The following CDH23 variants were observed in gnomAD, a reference collection of about 807,000 sequenced individuals.
The protein encoded by CDH23 is cadherin-23.
A neutral mutation model predicts 317.1 loss-of-function variants in CDH23; 189 were observed. The ratio of observed to expected loss-of-function variants is 0.60; its 90% CI spans 0.53 to 0.67. The LOEUF (loss-of-function observed/expected upper bound fraction) is 0.67. Ranked by LOEUF, CDH23 falls within the 30% of genes least tolerant of loss-of-function variation. The pLI is 0.00. For synonymous variants in CDH23, 1,839 were observed against 1,876.8 expected, an observed-to-expected ratio of 0.98 and a Z score of 0.52; for missense variants, 4,401 against 4,592.4, an observed-to-expected ratio of 0.96 and a Z score of 1.20.
intron 6 of CDH23, among the ~76,000 whole-genome samples, chr10:71,565,623 GC>G (rs1363016946): frequency 6.6e-6 from 1 of 152,146 alleles, no homozygotes; most frequent in Non-Finnish European, 1.5e-5. Flanking sequence ...CCTTGAAGGT[GC>G]CCTTGTCTGT....
intron 1 of CDH23, among the ~76,000 whole-genome samples, chr10:71,408,258 C>T (rs1848200740): frequency 6.6e-6 from 1 of 152,136 alleles, no homozygotes; most frequent in African/African-American, 2.4e-5. Flanking sequence ...ATGCAGGGCA[C>T]ACTGAGATAC....
At chr10:71,432,510 G>A (rs1379137731) in intron 1 of CDH23, among the ~76,000 whole-genome samples, 1 of 151,730 alleles carries the variant, frequency 6.6e-6, no homozygotes, top group African/African-American at 2.4e-5. Flanking sequence ...GTGTGTGGGT[G>A]AGTGTGAGTG....
chr10:71,545,211 C>A (rs1379842449), intron 6 of CDH23, among the ~76,000 whole-genome samples: 1 of 152,160 alleles, frequency 6.6e-6, no homozygotes, highest in East Asian at 1.9e-4. Flanking sequence ...AAGAAGACTG[C>A]AGAGAGGAGA....
chr10:71,704,936 G>A lies in CDH23; in HGVS notation c.2759G>A (p.Gly920Asp). Residue 920 changes from glycine (G) to aspartate (D), a missense_variant, in exon 25 of 70, where the codon GGC (glycine) becomes GAC (aspartate). Around this residue, in one of 3 missense-constraint regions of CDH23, gnomAD observed 3,068 missense variants for 3,203.3 expected, o/e 0.96. Transcript: ENST00000224721. ...YQVVAIDLDE[G>D]LNGLVSYRMP... ...GTGGTGGCCATCGACCTCGATGAGGGCCTGAACGGCCTGGTGTCCTACCGC... is the reference window on the plus strand; with the variant it reads ...GTGGTGGCCATCGACCTCGATGAGGACCTGAACGGCCTGGTGTCCTACCGC... 2 of 1,612,910 alleles carry A rather than the reference G, an allele frequency of 1.2e-6. No homozygotes were observed. Among genetic ancestry groups the A allele is most frequent in the East Asian group, 2.2e-5 (1 of 44,858 alleles).
intron 1 of CDH23, among the ~76,000 whole-genome samples, chr10:71,428,380 C>T (rs555230187): frequency 2.6e-5 from 4 of 151,928 alleles, no homozygotes; most frequent in Admixed American, 1.3e-4. Flanking sequence ...TCAAGTGATC[C>T]GCCCACCTCA....
In CDH23 at chr10:71,617,427, A is replaced by T. The variant is rs1340393394; in HGVS notation, c.1134+34A>T. 4 of 1,605,344 alleles carry T rather than the reference A, an allele frequency of 2.5e-6. No individual in the cohort carries two copies. In the African/African-American group the frequency reaches 5.4e-5, roughly 21 times the overall value. On this transcript the variant is annotated intron_variant, in intron 11 of 69. Transcript: ENST00000224721. ...CTGGACACATGGCCCATGCAGACCC[A>T]CCACCCATCCAGACCCACCACCCTG...
chr10:71,667,144 A>G (rs1279951785), intron 14 of CDH23, among the ~76,000 whole-genome samples: 2 of 152,216 alleles, frequency 1.3e-5, no homozygotes, highest in African/African-American at 4.8e-5. Flanking sequence ...GCCTTGCTTC[A>G]GAGCAGAAGC....
chr10:71,574,920 T>A (rs1025774915), intron 8 of CDH23, among the ~76,000 whole-genome samples: 4 of 151,488 alleles, frequency 2.6e-5, no homozygotes, highest in Non-Finnish European at 5.9e-5. Flanking sequence ...CACACTGCCC[T>A]CCATTCCCCA....
At chr10:71,702,486 G>A in intron 23 of CDH23, 63 bp from the exon 24 acceptor site, 1 of 1,597,736 alleles carries the variant, frequency 6.3e-7, no homozygotes, top group Non-Finnish European at 8.6e-7. Context: ...CCTTCTTCCT[G>A]TCCGTTTTCT....
At chr10:71,441,705 G>C (rs1849888980) in intron 2 of CDH23, among the ~76,000 whole-genome samples, 1 of 150,562 alleles carries the variant, frequency 6.6e-6, no homozygotes, top group South Asian at 2.1e-4. Flanking sequence ...CTGGGTGAAA[G>C]AGTGAGACTC....
At chr10:71,462,364 C>T (rs1271940240) in intron 3 of CDH23, among the ~76,000 whole-genome samples, 3 of 152,234 alleles carry the variant, frequency 2.0e-5, no homozygotes, top group Non-Finnish European at 2.9e-5. Flanking sequence ...GGCGCCCCAC[C>T]GCCATCTGCT....
At chr10:71,622,458 C>T (rs1861511473) in intron 11 of CDH23, among the ~76,000 whole-genome samples, 1 of 152,092 alleles carries the variant, frequency 6.6e-6, no homozygotes, top group African/African-American at 2.4e-5. Flanking sequence ...ACTTAGGCGC[C>T]AGTGGATTAC....
intron 14 of CDH23, among the ~76,000 whole-genome samples, chr10:71,663,678 G>A (rs1393806735): frequency 6.6e-6 from 1 of 152,216 alleles, no homozygotes; most frequent in Non-Finnish European, 1.5e-5. Flanking sequence ...CATAGAGTGG[G>A]AGTGAAGATT....
At chr10:71,693,770 A>G (rs1865270950) in intron 20 of CDH23, among the ~76,000 whole-genome samples, 2 of 152,208 alleles carry the variant, frequency 1.3e-5, no homozygotes, top group African/African-American at 4.8e-5. Context: ...CAGGTGAGAA[A>G]GCCAGTAAGA....
intron 6 of CDH23, among the ~76,000 whole-genome samples, chr10:71,540,200 G>C (rs576608421): frequency 6.6e-6 from 1 of 152,168 alleles, no homozygotes. Context: ...CGAGGCTCAC[G>C]TGCAGACCAG....
At chr10:71,675,059 C>A in intron 14 of CDH23, 53 bp from the exon 15 acceptor site, 1 of 1,539,476 alleles carries the variant, frequency 6.5e-7, no homozygotes, top group Non-Finnish European at 9.0e-7. Context: ...TCCTGTGGAC[C>A]TGAAGCCTCA....
At chr10:71,775,443 C>T (rs1211210537) in intron 38 of CDH23, among the ~76,000 whole-genome samples, 1 of 152,166 alleles carries the variant, frequency 6.6e-6, no homozygotes, top group Non-Finnish European at 1.5e-5. Context: ...CAGTTCCCTC[C>T]CCCCTTTTCA....
Position 71,800,658 on chromosome 10 carries a change from C to T in CDH23, c.7385C>T (p.Ser2462Phe). ...TAGGGTGACATCTATGTGCTGTCTTCTCTGGACCGGGAGAAGAAGGACCAC... is the reference window on the plus strand; with the variant it reads ...TAGGGTGACATCTATGTGCTGTCTTTTCTGGACCGGGAGAAGAAGGACCAC... The part of the protein sequence containing the change: ...PTTGDIYVLS[S>F]LDREKKDHYI... Residue 2462 changes from serine to phenylalanine, a missense_variant, in exon 53 of 70, where the codon TCT becomes TTT. By Grantham distance (155) the Ser-to-Phe change is radical (BLOSUM62 -2). Coordinates refer to ENST00000224721, the MANE Select transcript of CDH23 (RefSeq NM_022124.6). 1 of 1,614,002 alleles carries T rather than the reference C, an allele frequency of 6.2e-7. No individual in the cohort carries two copies. Among genetic ancestry groups the T allele is most frequent in the Non-Finnish European group, 8.5e-7 (1 of 1,179,902 alleles).
rs372378807 is a variant in CDH23, at chr10:71,712,710, T to G, written c.3266T>G (p.Phe1089Cys). Reference protein sequence around the residue: ...GKRHTGTATVFVTVLDVNDNR... With the variant: ...GKRHTGTATVCVTVLDVNDNR... ...CGACACACGGGCACAGCCACCGTGT[T>G]CGTCACTGTCCTGGATGTGAATGAC... The change falls in exon 28 of 70, where the codon TTC (phenylalanine) becomes TGC (cysteine). Residue 1089 changes from phenylalanine to cysteine, a missense_variant. This residue lies in a region of CDH23 where 3,068 missense variants were observed against 3,203.3 expected (regional missense o/e 0.96). Coordinates refer to ENST00000224721, the MANE Select transcript of CDH23 (RefSeq NM_022124.6). The G allele has an allele frequency of 6.2e-6, 10 of 1,613,618 alleles. No individual in the cohort carries two copies. In the African/African-American group the frequency reaches 1.1e-4, roughly 17 times the overall value.
Sources: allele counts gnomAD v4.1 joint callset (sites outside exome capture counted in the v4.1 genomes callset), GRCh38; gene constraint gnomAD v4.1.1; regional missense constraint gnomAD v4.1.1; transcripts MANE v1.5; gene names NCBI Gene and HGNC (gene_info 2026-07-23, HGNC 2026-07-21).